ANKRD29: variants seen among roughly 807,000 people sequenced by gnomAD.
ANKRD29 encodes the protein ankyrin repeat domain-containing protein 29.
ANKRD29 carries 32 observed loss-of-function variants against 38.0 expected under a neutral mutation model. The observed-to-expected ratio is 0.84, with a 90% CI of 0.64 to 1.13. ANKRD29 has a LOEUF of 1.13. Among genes scored for constraint, ANKRD29 ranks in the 50% most tolerant of loss-of-function variants. The pLI is 0.00. For missense variants in ANKRD29, 357 were observed against 377.9 expected (o/e 0.94, Z 0.46); for synonymous variants, 135 against 152.4 (o/e 0.89, Z 0.84).
chr18:23,642,068 T>C, intron 3 of ANKRD29, among the ~76,000 whole-genome samples: 1 of 152,148 alleles, frequency 6.6e-6, no homozygotes, highest in Non-Finnish European at 1.5e-5. Context: ...ACTTTGGGTC[T>C]CCTGGGAGGT....
At chr18:23,603,108 G>A (rs1451941528) in intron 9 of ANKRD29, among the ~76,000 whole-genome samples, 1 of 152,200 alleles carries the variant, frequency 6.6e-6, no homozygotes, top group African/African-American at 2.4e-5. Flanking sequence ...TTGGATTGCT[G>A]TGGATATTAT....
intron 9 of ANKRD29, among the ~76,000 whole-genome samples, chr18:23,611,390 T>C (rs977961837): frequency 3.3e-5 from 5 of 152,168 alleles, no homozygotes; most frequent in Non-Finnish European, 5.9e-5. Context: ...CCACTGTTCA[T>C]TGATAACCAC....
chr18:23,606,902 T>C (rs1396432816), intron 9 of ANKRD29, among the ~76,000 whole-genome samples: 1 of 152,146 alleles, frequency 6.6e-6, no homozygotes, highest in African/African-American at 2.4e-5. Flanking sequence ...GGGGAGGCCA[T>C]TAAAGGGTAA....
In ANKRD29 at chr18:23,646,241, T is replaced by A; in HGVS notation, c.179A>T (p.Asp60Val). 1 of 1,614,084 alleles carries A rather than the reference T, an allele frequency of 6.2e-7. No homozygotes were observed. The highest frequency in any genetic ancestry group is 8.5e-7 in the Non-Finnish European group (1 of 1,180,006). Residue 60 changes from aspartate (D) to valine (V), a missense_variant, in exon 3 of 10, where the codon GAC (aspartate) becomes GTC (valine). By Grantham distance (152) the Asp-to-Val change is radical (BLOSUM62 -3). Transcript: ENST00000592179. The stretch of plus-strand genomic sequence containing the variant: ...TTGCAGAACCAGTTCCCTCACACAG[T>A]CTATGTGGCCAGCGTAGGCAGCAAC... ...LMVAAYAGHI[D>V]CVRELVLQGA... is the part of the protein sequence containing the mutation.
intron 6 of ANKRD29, among the ~76,000 whole-genome samples, chr18:23,626,142 C>A (rs570336726): frequency 6.6e-6 from 1 of 152,336 alleles, no homozygotes; most frequent in East Asian, 1.9e-4. Context: ...CCTTCTCCCA[C>A]TGCCATTGAT....
At position 23,634,150 on chromosome 18, in the gene ANKRD29, C is replaced by T. The variant is rs764332285; in HGVS notation, c.331-1G>A. 2 of 1,614,084 alleles carry T rather than the reference C, an allele frequency of 1.2e-6. No individual in the cohort carries two copies. The highest frequency in any genetic ancestry group is 1.7e-5 in the Admixed American group (1 of 60,012). On this transcript the variant is annotated splice_acceptor_variant, in intron 4 of 9. Coordinates refer to ENST00000592179, the MANE Select transcript of ANKRD29 (RefSeq NM_173505.4). LOFTEE classifies it high-confidence loss of function. The stretch of plus-strand genomic sequence containing the variant: ...CAGCCAACAGGGCGGTGCCCCCGTC[C>T]TATGGACATGCAAAGTATAAACACA...
intron 1 of ANKRD29, among the ~76,000 whole-genome samples, chr18:23,650,087 G>A (rs1399797736): frequency 1.3e-5 from 2 of 151,886 alleles, no homozygotes; most frequent in African/African-American, 2.4e-5. Context: ...TTGAGAACAA[G>A]GAACTTAGGG....
intron 4 of ANKRD29, among the ~76,000 whole-genome samples, chr18:23,635,915 G>A (rs1393432892): frequency 6.6e-6 from 1 of 152,190 alleles, no homozygotes; most frequent in Non-Finnish European, 1.5e-5. Context: ...GATGGGCTTT[G>A]AAGTGTGGGG....
chr18:23,630,783 T>C (rs2145686296), intron 5 of ANKRD29, among the ~76,000 whole-genome samples: 1 of 151,180 alleles, frequency 6.6e-6, no homozygotes, highest in South Asian at 2.1e-4. Flanking sequence ...TTTTAATATA[T>C]TTTTAAATTT....
intron 1 of ANKRD29, among the ~76,000 whole-genome samples, chr18:23,657,939 G>A (rs2060306201): frequency 6.6e-6 from 1 of 152,190 alleles, no homozygotes; most frequent in African/African-American, 2.4e-5. Context: ...AGTTCAGAAG[G>A]CAAAGCACTG....
intron 6 of ANKRD29, among the ~76,000 whole-genome samples, chr18:23,620,697 A>G (rs997392808): frequency 6.6e-6 from 1 of 152,210 alleles, no homozygotes; most frequent in African/African-American, 2.4e-5. Flanking sequence ...GTGAGAAACC[A>G]GGAAAGTTAC....
intron 2 of ANKRD29, 191 bp downstream of exon 2, chr18:23,648,892 C>A: frequency 2.0e-6 from 1 of 509,152 alleles, no homozygotes; most frequent in South Asian, 3.6e-5. Flanking sequence ...TCATTGTTTC[C>A]TTTTCTTTCT....
intron 5 of ANKRD29, 141 bp downstream of exon 5, chr18:23,633,909 CT>C: frequency 1.3e-6 from 1 of 793,198 alleles, no homozygotes; most frequent in Non-Finnish European, 2.1e-6. Flanking sequence ...ATCTGGTCCG[CT>C]ATATATTTTT....
At chr18:23,653,155 T>C (rs2060231634) in intron 1 of ANKRD29, among the ~76,000 whole-genome samples, 1 of 152,236 alleles carries the variant, frequency 6.6e-6, no homozygotes, top group Admixed American at 6.5e-5. Flanking sequence ...GTAAGTGCAC[T>C]CTATGATGTT....
chr18:23,662,884 A>C lies in ANKRD29; in HGVS notation c.-154T>G. The C allele has an allele frequency of 3.4e-6, 2 of 593,836 alleles. No homozygotes were observed. Among genetic ancestry groups the C allele is most frequent in the Non-Finnish European group, 4.3e-6 (2 of 466,328 alleles). The allele number at this position is 593,836 out of a possible 1,614,324, so 36.8% of individuals were successfully genotyped here. A position where few individuals can be genotyped will look rare whatever the true frequency, so the allele number is the denominator to read the frequency against. On this transcript the variant is annotated 5_prime_UTR_variant, in exon 1 of 10. Transcript: ENST00000592179. ...CGCCCGGCCCGGCAGCAGCCGCCGC[A>C]CACAGGGCCGGGCCGAAGGGGCGGC...
At chr18:23,659,537 G>T (rs1318410099) in intron 1 of ANKRD29, among the ~76,000 whole-genome samples, 1 of 152,086 alleles carries the variant, frequency 6.6e-6, no homozygotes, top group East Asian at 1.9e-4. Context: ...GAGGTCAAGA[G>T]ATCGAGACCA....
chr18:23,601,106 G>A lies in ANKRD29; in HGVS notation c.*120C>T. Reference sequence around the variant, plus strand: ...AGCTCTTCTTTGTCAGGGACCCACAGGATGGGCATTCTGGGCATCTTTTTT... The same window carrying A: ...AGCTCTTCTTTGTCAGGGACCCACAAGATGGGCATTCTGGGCATCTTTTTT... On this transcript the variant is annotated 3_prime_UTR_variant, in exon 10 of 10. Coordinates refer to ENST00000592179, the MANE Select transcript of ANKRD29 (RefSeq NM_173505.4). 2.3e-6 allele frequency: 2 copies of A among 859,930 alleles called. No homozygotes were observed. Among genetic ancestry groups the A allele is most frequent in the Admixed American group, 5.1e-5 (2 of 39,092 alleles). 53.3% of individuals were successfully genotyped at this position (859,930 alleles called of 1,614,324 possible). A position where few individuals can be genotyped will look rare whatever the true frequency, so the allele number is the denominator to read the frequency against.
chr18:23,619,262 G>T, intron 7 of ANKRD29: 1 of 426,386 alleles, frequency 2.3e-6, no homozygotes, highest in Non-Finnish European at 4.1e-6. Flanking sequence ...GGACAGGCGG[G>T]AGGCCCCCAG....
In ANKRD29 at chr18:23,634,158, A is replaced by T. The variant is rs2059970703; in HGVS notation, c.331-9T>A. On this transcript the variant is annotated splice_polypyrimidine_tract_variant and intron_variant, in intron 4 of 9. Transcript: ENST00000592179. Reference sequence around the variant, plus strand: ...AGGGCGGTGCCCCCGTCCTATGGACATGCAAAGTATAAACACATTAGAGGT... The same window carrying T: ...AGGGCGGTGCCCCCGTCCTATGGACTTGCAAAGTATAAACACATTAGAGGT... 6.2e-7 allele frequency: 1 copy of T among 1,613,220 alleles called. No homozygotes were observed. The highest frequency in any genetic ancestry group is 2.2e-5 in the East Asian group (1 of 44,886).
Sources: allele counts gnomAD v4.1 joint callset (sites outside exome capture counted in the v4.1 genomes callset), GRCh38; gene constraint gnomAD v4.1.1; transcripts MANE v1.5; gene names NCBI Gene and HGNC (gene_info 2026-07-23, HGNC 2026-07-21).